Variants in PCDHA11 observed in about 807,000 individuals in gnomAD.
The protein encoded by PCDHA11 is protocadherin alpha-11.
A neutral mutation model predicts 70.3 loss-of-function variants in PCDHA11; 61 were observed. The observed-to-expected ratio is 0.87, with a 90% CI of 0.71 to 1.07. The LOEUF is 1.07. Among genes scored for constraint, PCDHA11 ranks in the 50% least tolerant of loss-of-function variants. PCDHA11 has a pLI of 0.00. For missense variants in PCDHA11, 1,324 were observed against 1,237.5 expected (o/e 1.07, Z -1.05); for synonymous variants, 633 against 555.1 (o/e 1.14, Z -1.97).
intron 1 of PCDHA11, chr5:140,876,498 C>A: frequency 6.2e-7 from 1 of 1,613,918 alleles, no homozygotes; most frequent in East Asian, 2.2e-5. Context: ...AAGTTCTGGA[C>A]GTGAATGACA....
At position 140,870,906 on chromosome 5, in the gene PCDHA11, C is replaced by A. The variant is rs201710263; in HGVS notation, c.1803C>A (p.Gly601=). 1.2e-6 allele frequency: 2 copies of A among 1,613,946 alleles called. No individual in the cohort carries two copies. Among genetic ancestry groups the A allele is most frequent in the South Asian group, 2.2e-5 (2 of 91,084 alleles). The change falls in exon 1 of 4, where the codon GGC becomes GGA. Residue 601 remains glycine (G), a synonymous_variant. Coordinates refer to ENST00000398640, the MANE Select transcript of PCDHA11 (RefSeq NM_018902.5). ...AKVRAVDADS[G]YNAWLSYELQ... is the part of the protein sequence containing the mutation. ...TGCGCGCAGTGGATGCGGACTCAGG[C>A]TACAACGCGTGGCTTTCATATGAAT...
chr5:140,917,936 A>G (rs155801), intron 1 of PCDHA11, among the ~76,000 whole-genome samples: 49,654 of 151,910 alleles, frequency 0.33, 8,386 homozygotes, highest in East Asian at 0.53. Context: ...GAAAAATAAT[A>G]TTGGTAGTTT....
intron 1 of PCDHA11, among the ~76,000 whole-genome samples, chr5:140,889,581 T>C (rs566040851): frequency 3.0e-4 from 45 of 152,324 alleles, no homozygotes; most frequent in Non-Finnish European, 4.3e-4. Flanking sequence ...ATTTTTGTTT[T>C]TGCTTTGAAA....
At chr5:140,919,926 T>C (rs1040693581) in intron 1 of PCDHA11, among the ~76,000 whole-genome samples, 18 of 152,088 alleles carry the variant, frequency 1.2e-4, no homozygotes, top group African/African-American at 4.1e-4. Flanking sequence ...AATTTTCAGG[T>C]GGGGGCTAAT....
At chr5:140,963,608 G>A (rs1308315109) in intron 1 of PCDHA11, among the ~76,000 whole-genome samples, 2 of 152,186 alleles carry the variant, frequency 1.3e-5, no homozygotes, top group African/African-American at 2.4e-5. Context: ...ACGTAATTGG[G>A]AAAGCTTAAC....
At chr5:140,937,328 C>T (rs191377007) in intron 1 of PCDHA11, among the ~76,000 whole-genome samples, 9 of 152,066 alleles carry the variant, frequency 5.9e-5, no homozygotes, top group Admixed American at 5.2e-4. Context: ...TGAGCCACCG[C>T]GCCCGGCTTC....
chr5:140,869,786 T>C lies in PCDHA11; in HGVS notation c.683T>C (p.Leu228Pro), dbSNP rs1554163459. The change falls in exon 1 of 4, where the codon CTG becomes CCG. Residue 228 changes from leucine to proline, a missense_variant. By Grantham distance (98) the Leu-to-Pro change is moderately conservative (BLOSUM62 -3). Transcript: ENST00000398640. ...CCAGAGCTTACTGGCACCGTTCGGC[T>C]GTTAGTCCAAGTCTTGGATGTCAAC... ...GKPELTGTVRLLVQVLDVNDN... is the reference protein window; with the variant it reads ...GKPELTGTVRPLVQVLDVNDN... 1.9e-6 allele frequency: 3 copies of C among 1,612,992 alleles called. No homozygotes were observed. The East Asian group carries it at 6.7e-5, about 36-fold the overall frequency.
At chr5:140,967,468 C>T (rs155807) in intron 1 of PCDHA11, 541,339 of 1,613,022 alleles carry the variant, frequency 0.34, 92,423 homozygotes, top group East Asian at 0.5. Context: ...ATGGGGGCAT[C>T]CCAGCCCGCT....
chr5:140,926,629 G>C, intron 1 of PCDHA11: 1 of 406,364 alleles, frequency 2.5e-6, no homozygotes, highest in Non-Finnish European at 4.2e-6. Flanking sequence ...GCGGCGCTGC[G>C]CTCCTCAACA....
chr5:140,869,878 A>G lies in PCDHA11; in HGVS notation c.775A>G (p.Thr259Ala). ...VSLMENAAKE[T>A]LVLKLNATDR... ...CCTTATGGAAAATGCTGCTAAAGAA[A>G]CTCTTGTGCTCAAACTAAACGCCAC... Residue 259 changes from threonine to alanine, a missense_variant, in exon 1 of 4, where the codon ACT becomes GCT. Transcript: ENST00000398640. The G allele has an allele frequency of 6.2e-7, 1 of 1,610,122 alleles. No homozygotes were observed. The highest frequency in any genetic ancestry group is 8.5e-7 in the Non-Finnish European group (1 of 1,178,030).
chr5:141,009,269 A>G (rs2098404104), intron 3 of PCDHA11, among the ~76,000 whole-genome samples: 1 of 152,140 alleles, frequency 6.6e-6, no homozygotes, highest in Non-Finnish European at 1.5e-5. Flanking sequence ...AGCCTGGGCA[A>G]CATAGTGAGA....
At chr5:140,983,585 A>G (rs561693645) in intron 3 of PCDHA11, among the ~76,000 whole-genome samples, 18 of 152,338 alleles carry the variant, frequency 1.2e-4, no homozygotes, top group Non-Finnish European at 2.1e-4. Flanking sequence ...TATTACATCT[A>G]TTCTACATAT....
intron 1 of PCDHA11, chr5:140,966,616 G>A: frequency 1.3e-6 from 1 of 788,372 alleles, no homozygotes; most frequent in South Asian, 2.7e-5. Context: ...AGGGCCTACG[G>A]AGGGAGCGGC....
chr5:140,876,984 G>C (rs2056761931), intron 1 of PCDHA11: 9 of 1,612,672 alleles, frequency 5.6e-6, no homozygotes, highest in African/African-American at 1.3e-5. Flanking sequence ...AGCACGCACT[G>C]TCGAGCTACG....
Position 140,980,544 on chromosome 5 carries a change from C to T in PCDHA11, c.2450+1537C>T, listed in dbSNP as rs111386744. 4.0e-3 allele frequency among the ~76,000 whole-genome samples: 611 copies of T among 152,160 alleles called. 1 individual carries two copies. The highest frequency in any genetic ancestry group is 0.013 in the African/African-American group (560 of 41,516). On this transcript the variant is annotated intron_variant, in intron 2 of 3. Coordinates refer to ENST00000398640, the MANE Select transcript of PCDHA11 (RefSeq NM_018902.5). ...ACTAGGGAGGCTGAGGCAGGAGAAT[C>T]GCTTGAACCCGGGAGGCGGAAGTTG...
intron 3 of PCDHA11, among the ~76,000 whole-genome samples, chr5:140,992,437 T>G (rs1554252912): frequency 6.6e-6 from 1 of 151,938 alleles, no homozygotes; most frequent in African/African-American, 2.4e-5. Context: ...GTTCCAAGAG[T>G]TGGGAGCAGG....
chr5:140,976,623 A>T (rs2096725019), intron 1 of PCDHA11, among the ~76,000 whole-genome samples: 1 of 152,206 alleles, frequency 6.6e-6, no homozygotes, highest in Non-Finnish European at 1.5e-5. Context: ...CTGTCAGCTG[A>T]ACTCAGCAAT....
At chr5:140,995,687 G>C (rs983290111) in intron 3 of PCDHA11, among the ~76,000 whole-genome samples, 3 of 152,062 alleles carry the variant, frequency 2.0e-5, no homozygotes, top group Admixed American at 6.5e-5. Context: ...TTTTTTAATT[G>C]TTAAATAAAG....
chr5:140,941,198 T>TC (rs1563184066), intron 1 of PCDHA11, among the ~76,000 whole-genome samples: 3 of 119,812 alleles, frequency 2.5e-5, no homozygotes, highest in African/African-American at 1.0e-4. Flanking sequence ...TTTTTTTCTT[T>TC]CTTCCTTTCT....
Sources: gnomAD v4.1 joint callset for allele counts (sites outside exome capture counted in the v4.1 genomes callset) on GRCh38, gnomAD v4.1.1 for gene constraint, MANE v1.5 for transcripts, NCBI Gene and HGNC (gene_info 2026-07-23, HGNC 2026-07-21) for gene names.